Variants in JAM3 observed in about 807,000 individuals in gnomAD.
JAM3 encodes junctional adhesion molecule C.
Under a neutral mutation model 39.4 loss-of-function variants are expected in JAM3, and 31 were observed. The ratio of observed to expected loss-of-function variants is 0.79; its 90% CI spans 0.59 to 1.06. JAM3 has a LOEUF of 1.06. JAM3 is among the 50% of genes least tolerant of loss of function. The probability of loss-of-function intolerance (pLI) is 0.00; values close to 1 mark genes in which losing one functional copy is unlikely to be tolerated. For synonymous variants in JAM3, 182 were observed against 148.7 expected, an observed-to-expected ratio of 1.22 and a Z score of -1.63; for missense variants, 455 against 391.4, an observed-to-expected ratio of 1.16 and a Z score of -1.37.
intron 1 of JAM3, among the ~76,000 whole-genome samples, chr11:134,093,890 C>T (rs1335535897): frequency 1.7e-5 from 2 of 114,774 alleles, no homozygotes; most frequent in Admixed American, 8.1e-5. Flanking sequence ...CCTCCTTATT[C>T]ATCATGTTCC....
At chr11:134,133,001 C>G (rs1279491263) in intron 1 of JAM3, among the ~76,000 whole-genome samples, 3 of 152,206 alleles carry the variant, frequency 2.0e-5, no homozygotes, top group Non-Finnish European at 1.5e-5. Context: ...GTGTTTTGAC[C>G]TGTGACCTCA....
In JAM3 at chr11:134,144,225, C is replaced by T. The variant is rs377687676; in HGVS notation, c.257-16C>T. The T allele has an allele frequency of 1.5e-4, 238 of 1,613,894 alleles. No homozygotes were observed. Among genetic ancestry groups the T allele is most frequent in the Middle Eastern group, 3.3e-4 (2 of 6,082 alleles). On this transcript the variant is annotated splice_polypyrimidine_tract_variant and intron_variant, in intron 3 of 8. Coordinates refer to ENST00000299106, the MANE Select transcript of JAM3 (RefSeq NM_032801.5). The stretch of plus-strand genomic sequence containing the variant: ...TCTTTAAAGAAGTTTTTTAGTGCCT[C>T]GTGTCTTTTCTGTAGGAGACTTGGC...
At chr11:134,091,356 G>A (rs1045793851) in intron 1 of JAM3, among the ~76,000 whole-genome samples, 6 of 152,088 alleles carry the variant, frequency 3.9e-5, no homozygotes, top group African/African-American at 9.7e-5. Context: ...TTAGCCAGGT[G>A]TGGTGGCACG....
intron 1 of JAM3, among the ~76,000 whole-genome samples, chr11:134,119,583 G>A (rs139482748): frequency 3.9e-4 from 60 of 152,312 alleles, no homozygotes; most frequent in Non-Finnish European, 7.6e-4. Flanking sequence ...GTATGGGCTA[G>A]CAGGCTGGAG....
At chr11:134,092,397 C>T (rs1941881078) in intron 1 of JAM3, among the ~76,000 whole-genome samples, 1 of 54,098 alleles carries the variant, frequency 1.8e-5, no homozygotes, top group Non-Finnish European at 3.5e-5. Flanking sequence ...TCTCCTGAAC[C>T]CTCCTTATTC....
intron 1 of JAM3, among the ~76,000 whole-genome samples, chr11:134,076,726 A>T (rs1941576691): frequency 1.3e-5 from 2 of 151,692 alleles, no homozygotes; most frequent in African/African-American, 4.8e-5. Flanking sequence ...TAATTTTTTT[A>T]GAGACGAGGT....
At chr11:134,095,659 A>C (rs1264573545) in intron 1 of JAM3, among the ~76,000 whole-genome samples, 2 of 152,120 alleles carry the variant, frequency 1.3e-5, no homozygotes, top group African/African-American at 4.8e-5. Context: ...TCTAATATTA[A>C]ATACAAAATC....
chr11:134,089,253 TTTTG>T (rs1236009047), intron 1 of JAM3, among the ~76,000 whole-genome samples: 1 of 152,170 alleles, frequency 6.6e-6, no homozygotes, highest in African/African-American at 2.4e-5. Flanking sequence ...ACTTAGGATA[TTTTG>T]TTTGGTTGTT....
At chr11:134,078,292 G>A (rs1565481517) in intron 1 of JAM3, among the ~76,000 whole-genome samples, 1 of 151,988 alleles carries the variant, frequency 6.6e-6, no homozygotes, top group Admixed American at 6.6e-5. Context: ...GCTAATTTTT[G>A]TATTTTTAGT....
intron 1 of JAM3, among the ~76,000 whole-genome samples, chr11:134,108,207 G>C (rs1424747653): frequency 6.6e-6 from 1 of 151,906 alleles, no homozygotes; most frequent in Non-Finnish European, 1.5e-5. Flanking sequence ...TAAATTTCTT[G>C]AAAGACACAA....
intron 1 of JAM3, among the ~76,000 whole-genome samples, chr11:134,115,632 C>T (rs1470860120): frequency 1.3e-5 from 2 of 151,938 alleles, no homozygotes; most frequent in Non-Finnish European, 2.9e-5. Context: ...AGGTGCTGTG[C>T]GGCTAATGCC....
At chr11:134,100,320 T>C (rs470536) in intron 1 of JAM3, among the ~76,000 whole-genome samples, 67,346 of 152,070 alleles carry the variant, frequency 0.44, 17,616 homozygotes, top group African/African-American at 0.74. Context: ...CAGTGTTCTT[T>C]GCTGCTTTCC....
chr11:134,097,521 C>T (rs1942004674), intron 1 of JAM3, among the ~76,000 whole-genome samples: 1 of 152,142 alleles, frequency 6.6e-6, no homozygotes, highest in Non-Finnish European at 1.5e-5. Flanking sequence ...AGGGACATTT[C>T]TTCTCACATC....
At chr11:134,073,867 CTT>C (rs1410442789) in intron 1 of JAM3, among the ~76,000 whole-genome samples, 1 of 152,152 alleles carries the variant, frequency 6.6e-6, no homozygotes, top group Non-Finnish European at 1.5e-5. Flanking sequence ...TAAACACTCT[CTT>C]TGTGTCGAGG....
rs148009046 is a variant in JAM3 at position 134,144,269 on chromosome 11, G to C, written c.285G>C (p.Leu95=). The change falls in exon 4 of 9, where the codon CTG becomes CTC. Residue 95 remains leucine (L), a synonymous_variant. Coordinates refer to ENST00000299106, the MANE Select transcript of JAM3 (RefSeq NM_032801.5). ...ACTTGGCGGGTCGTGCAGAAATACT[G>C]GGGAAGACATCCCTGAAGATCTGGA... The part of the protein sequence containing the change: ...QGDLAGRAEI[L]GKTSLKIWNV... 3.1e-6 allele frequency: 5 copies of C among 1,614,042 alleles called. No individual in the cohort carries two copies. The highest frequency in any genetic ancestry group is 3.3e-4 in the Middle Eastern group (2 of 6,082).
intron 1 of JAM3, among the ~76,000 whole-genome samples, chr11:134,106,977 A>G (rs150134410): frequency 0.025 from 3,817 of 152,284 alleles, 167 homozygotes; most frequent in African/African-American, 0.087. Flanking sequence ...CCATTCCATT[A>G]CTGGGTATAT....
At chr11:134,095,794 G>A (rs1398842262) in intron 1 of JAM3, among the ~76,000 whole-genome samples, 1 of 152,084 alleles carries the variant, frequency 6.6e-6, no homozygotes, top group Non-Finnish European at 1.5e-5. Context: ...GCCATCTTAG[G>A]AAGAAACTGA....
intron 1 of JAM3, among the ~76,000 whole-genome samples, chr11:134,091,633 A>AC (rs919605308): frequency 6.6e-6 from 1 of 151,648 alleles, no homozygotes; most frequent in African/African-American, 2.4e-5. Context: ...CCGTGTCAAA[A>AC]AAAAAAAAAA....
At chr11:134,074,854 C>T (rs971562845) in intron 1 of JAM3, among the ~76,000 whole-genome samples, 1 of 152,042 alleles carries the variant, frequency 6.6e-6, no homozygotes, top group Non-Finnish European at 1.5e-5. Flanking sequence ...GCTGATGTGC[C>T]CCATCACTTC....
Sources: gnomAD v4.1 joint callset for allele counts (sites outside exome capture counted in the v4.1 genomes callset) on GRCh38, gnomAD v4.1.1 for gene constraint, MANE v1.5 for transcripts, NCBI Gene and HGNC (gene_info 2026-07-23, HGNC 2026-07-21) for gene names.